TECRL: variants seen among roughly 807,000 people sequenced by gnomAD.
TECRL encodes trans-2,3-enoyl-CoA reductase like, also known as trans-2,3-enoyl-CoA reductase-like.
TECRL carries 63 observed loss-of-function variants against 52.8 expected under a neutral mutation model. That is an observed-to-expected ratio of 1.19 (90% CI 0.97 to 1.47). TECRL has a LOEUF of 1.47. TECRL is among the 40% of genes most tolerant of loss of function. The pLI is 0.00. For missense variants in TECRL, 482 were observed against 429.6 expected (o/e 1.12, Z -1.08); for synonymous variants, 164 against 141.9 (o/e 1.16, Z -1.10).
chr4:64,394,665 C>G (rs1310747687), intron 1 of TECRL, among the ~76,000 whole-genome samples: 1 of 152,116 alleles, frequency 6.6e-6, no homozygotes, highest in Non-Finnish European at 1.5e-5. Flanking sequence ...TGTTTCCATA[C>G]TTGTCCTTAA....
chr4:64,381,077 T>A (rs1419937742), intron 1 of TECRL, among the ~76,000 whole-genome samples: 1 of 152,076 alleles, frequency 6.6e-6, no homozygotes, highest in Non-Finnish European at 1.5e-5. Context: ...ATTTCTTTCA[T>A]CAGAGTTTTG....
intron 6 of TECRL, among the ~76,000 whole-genome samples, chr4:64,305,534 G>C (rs555875625): frequency 6.6e-6 from 1 of 152,248 alleles, no homozygotes; most frequent in South Asian, 2.1e-4. Flanking sequence ...CACTGCCCCT[G>C]TTATGGAGTT....
At chr4:64,321,202 CTGTT>C in intron 4 of TECRL, among the ~76,000 whole-genome samples, 1 of 151,644 alleles carries the variant, frequency 6.6e-6, no homozygotes, top group East Asian at 1.9e-4. Flanking sequence ...AAAAGAAAGA[CTGTT>C]AGAAAATATT....
chr4:64,384,394 A>G (rs968089880), intron 1 of TECRL, among the ~76,000 whole-genome samples: 1 of 152,018 alleles, frequency 6.6e-6, no homozygotes, highest in Non-Finnish European at 1.5e-5. Context: ...TGAGGCCCCA[A>G]GTTGGCATAT....
intron 1 of TECRL, among the ~76,000 whole-genome samples, chr4:64,391,481 T>C (rs913571691): frequency 1.3e-5 from 2 of 151,890 alleles, no homozygotes; most frequent in Admixed American, 6.6e-5. Flanking sequence ...GGCAAAAAAC[T>C]GTGTCTACCC....
At chr4:64,297,275 C>G (rs1016902523) in intron 8 of TECRL, among the ~76,000 whole-genome samples, 1 of 151,296 alleles carries the variant, frequency 6.6e-6, no homozygotes, top group Non-Finnish European at 1.5e-5. Context: ...AACTACAACT[C>G]TATTCAACAT....
At position 64,279,804 on chromosome 4, in the gene TECRL, T is replaced by C; in HGVS notation, c.*268A>G. ...GTCTTATGCAAATAGTATTGTGAAG[T>C]ATTAATGAAGTAAGACAATTTTATT... On this transcript the variant is annotated 3_prime_UTR_variant, in exon 12 of 12. Transcript: ENST00000381210. 1 of 1,015,584 alleles carries C rather than the reference T, an allele frequency of 9.8e-7. No individual in the cohort carries two copies. Among genetic ancestry groups the C allele is most frequent in the Non-Finnish European group, 1.2e-6 (1 of 850,230 alleles). 62.9% of individuals were successfully genotyped at this position (1,015,584 alleles called of 1,614,324 possible).
chr4:64,366,878 C>T (rs1219495021), intron 2 of TECRL, among the ~76,000 whole-genome samples: 2 of 137,432 alleles, frequency 1.5e-5, no homozygotes, highest in African/African-American at 5.3e-5. Context: ...CCAGCAATAC[C>T]GTTACTATGT....
At chr4:64,399,685 C>A (rs920660369) in intron 1 of TECRL, among the ~76,000 whole-genome samples, 4 of 152,182 alleles carry the variant, frequency 2.6e-5, no homozygotes, top group African/African-American at 9.7e-5. Context: ...GACTTATGTA[C>A]AGCTTGGGAT....
rs1291861018 is a variant in TECRL, at chr4:64,279,850, A to G, written c.*222T>C. 1.9e-6 allele frequency: 2 copies of G among 1,068,578 alleles called. No individual in the cohort carries two copies. Among genetic ancestry groups the G allele is most frequent in the Non-Finnish European group, 2.3e-6 (2 of 884,416 alleles). The allele number at this position is 1,068,578 out of a possible 1,614,324, so 66.2% of individuals were successfully genotyped here. On this transcript the variant is annotated 3_prime_UTR_variant, in exon 12 of 12. Coordinates refer to ENST00000381210, the MANE Select transcript of TECRL (RefSeq NM_001010874.5). ...TTATTCAAGGACCAATCCCATGCAA[A>G]TACATTCAGAGCTGTTCTTAGTTAA...
At chr4:64,373,936 T>C (rs1406371468) in intron 2 of TECRL, among the ~76,000 whole-genome samples, 2 of 147,428 alleles carry the variant, frequency 1.4e-5, no homozygotes, top group Non-Finnish European at 3.0e-5. Context: ...ATATACACTA[T>C]ATATATACTA....
At chr4:64,364,771 T>C (rs529607556) in intron 2 of TECRL, among the ~76,000 whole-genome samples, 1 of 151,980 alleles carries the variant, frequency 6.6e-6, no homozygotes, top group East Asian at 1.9e-4. Flanking sequence ...ATACAAAACC[T>C]ACCAACCAGA....
intron 8 of TECRL, among the ~76,000 whole-genome samples, chr4:64,296,754 T>C (rs1055404513): frequency 6.6e-6 from 1 of 151,704 alleles, no homozygotes; most frequent in Non-Finnish European, 1.5e-5. Flanking sequence ...TGTTGGCTTT[T>C]GGGTGGAATT....
downstream of TECRL, chr4:64,276,948 T>C: frequency 1.0e-6 from 1 of 980,378 alleles, no homozygotes; most frequent in South Asian, 1.9e-5. Flanking sequence ...GCTAAAAATG[T>C]GTACATGGCT....
At chr4:64,395,253 T>A (rs78625076) in intron 1 of TECRL, among the ~76,000 whole-genome samples, 187 of 152,226 alleles carry the variant, frequency 1.2e-3, no homozygotes, top group Non-Finnish European at 2.3e-3. Flanking sequence ...GTAAATTATG[T>A]ATTTTACCCA....
intron 1 of TECRL, among the ~76,000 whole-genome samples, chr4:64,381,898 G>A (rs765292252): frequency 2.6e-5 from 4 of 151,792 alleles, no homozygotes; most frequent in Admixed American, 1.3e-4. Flanking sequence ...TGTGTGTGGG[G>A]GGATGTGTGC....
At chr4:64,355,998 G>C (rs1392817563) in intron 2 of TECRL, among the ~76,000 whole-genome samples, 1 of 152,014 alleles carries the variant, frequency 6.6e-6, no homozygotes, top group Non-Finnish European at 1.5e-5. Flanking sequence ...CTGTTAATCT[G>C]TAACTTTGCC....
At chr4:64,310,340 G>C (rs1560488121) in intron 5 of TECRL, among the ~76,000 whole-genome samples, 1 of 152,146 alleles carries the variant, frequency 6.6e-6, no homozygotes, top group South Asian at 2.1e-4. Flanking sequence ...ATAATAGTCA[G>C]AATAACTTTT....
At chr4:64,382,989 T>C (rs1334408638) in intron 1 of TECRL, among the ~76,000 whole-genome samples, 1 of 152,184 alleles carries the variant, frequency 6.6e-6, no homozygotes, top group Admixed American at 6.5e-5. Context: ...TAATGATTTC[T>C]TTCAGTTTTT....
Sources: allele counts gnomAD v4.1 joint callset (sites outside exome capture counted in the v4.1 genomes callset), GRCh38; gene constraint gnomAD v4.1.1; transcripts MANE v1.5; gene names NCBI Gene and HGNC (gene_info 2026-07-23, HGNC 2026-07-21).